RGS3: variants seen among roughly 807,000 people sequenced by gnomAD.
RGS3 encodes regulator of G-protein signalling 3.
RGS3 carries 80 observed loss-of-function variants against 132.6 expected under a neutral mutation model. The observed-to-expected ratio is 0.60, with a 90% CI of 0.50 to 0.73. The LOEUF (loss-of-function observed/expected upper bound fraction) is 0.73, where lower values mean the gene tolerates loss of function less well. Ranked by LOEUF, RGS3 falls within the 30% of genes least tolerant of loss-of-function variation. The pLI is 0.00. For missense variants in RGS3, 1,382 were observed against 1,530.8 expected, an observed-to-expected ratio of 0.90 and a Z score of 1.62; for synonymous variants, 598 against 620.6, an observed-to-expected ratio of 0.96 and a Z score of 0.54.
At chr9:113,445,317 C>T (rs1829078353) in intron 1 of RGS3, among the ~76,000 whole-genome samples, 1 of 152,072 alleles carries the variant, frequency 6.6e-6, no homozygotes, top group African/African-American at 2.4e-5. Flanking sequence ...CCTGCCTCAG[C>T]CTCCCATGTA....
Position 113,591,297 on chromosome 9 carries a change from T to A in RGS3, c.3016-36T>A. The A allele has an allele frequency of 6.3e-7, 1 of 1,599,110 alleles. No homozygotes were observed. The highest frequency in any genetic ancestry group is 8.6e-7 in the Non-Finnish European group (1 of 1,167,566). On this transcript the variant is annotated intron_variant, in intron 20 of 24. Transcript: ENST00000350696. This position sits in a 1 kb window ranked among gnomAD's most constrained non-coding sequence, Gnocchi z 4.4. ...GTTTACTTAGGCAGGAGTTCCTGGGTGCCCAGACTGCATCGTGTCTGTCTT... is the reference window on the plus strand; with the variant it reads ...GTTTACTTAGGCAGGAGTTCCTGGGAGCCCAGACTGCATCGTGTCTGTCTT...
rs572150719 is a variant in RGS3, at chr9:113,579,662, A to G, written c.2038-3788A>G. ...TCTCACTGGGTCCCCAGCTGCCTGT[A>G]CTTCCTCTATCAGAGCAGTCCCCAT... On this transcript the variant is annotated intron_variant, in intron 19 of 24. Transcript: ENST00000350696. This position sits in a 1 kb window ranked among gnomAD's most constrained non-coding sequence, Gnocchi z 4.3. 1.4e-3 allele frequency among the ~76,000 whole-genome samples: 207 copies of G among 152,260 alleles called. 2 individuals carry two copies. The highest frequency in any genetic ancestry group is 4.4e-3 in the Admixed American group (67 of 15,296).
chr9:113,522,206 G>C (rs1261857386), intron 16 of RGS3: 1 of 152,224 alleles, frequency 6.6e-6, no homozygotes, highest in East Asian at 1.9e-4. Context: ...GTCTGTACTA[G>C]AGTGTGAGTA....
intron 10 of RGS3, among the ~76,000 whole-genome samples, chr9:113,499,071 A>G (rs774684334): frequency 1.3e-5 from 2 of 151,706 alleles, no homozygotes; most frequent in Non-Finnish European, 2.9e-5. Context: ...TACTAAAAAT[A>G]CAAAAATTAG....
At chr9:113,489,111 C>G (rs1830428299) in intron 7 of RGS3, among the ~76,000 whole-genome samples, 1 of 152,186 alleles carries the variant, frequency 6.6e-6, no homozygotes, top group African/African-American at 2.4e-5. Flanking sequence ...TATTGCCCCT[C>G]TCTTCAGAGA....
At chr9:113,466,525 C>A (rs116637254) in intron 3 of RGS3, among the ~76,000 whole-genome samples, 1 of 152,158 alleles carries the variant, frequency 6.6e-6, no homozygotes, top group Non-Finnish European at 1.5e-5. Context: ...AAGGACACTG[C>A]GTTCTGAGGA....
At chr9:113,543,425 G>A (rs968224396) in intron 19 of RGS3, among the ~76,000 whole-genome samples, 6 of 152,200 alleles carry the variant, frequency 3.9e-5, no homozygotes, top group Non-Finnish European at 4.4e-5. Context: ...ATCTGCCCGT[G>A]ACCAGACCAA....
intron 4 of RGS3, 58 bp from the exon 3 acceptor site, chr9:113,483,001 C>G: frequency 2.5e-6 from 4 of 1,609,462 alleles, no homozygotes; most frequent in East Asian, 2.2e-5. Context: ...CTCTCTTTCT[C>G]GCTGTGTGTG....
At chr9:113,596,879 T>C (rs866076266) in exon 25 of RGS3, 1 of 1,613,862 alleles carries the variant, frequency 6.2e-7, no homozygotes, top group East Asian at 2.2e-5. Flanking sequence ...GGAAAAGGAC[T>C]CGTACCCTCG....
chr9:113,529,103 C>G, intron 17 of RGS3, 118 bp from the exon 16 acceptor site: 1 of 801,032 alleles, frequency 1.2e-6, no homozygotes, highest in Non-Finnish European at 2.2e-6. Context: ...CTGCCTCTCT[C>G]TTTTCCCAGG....
chr9:113,512,669 G>A (rs1327252402), intron 14 of RGS3, among the ~76,000 whole-genome samples: 2 of 152,296 alleles, frequency 1.3e-5, no homozygotes, highest in East Asian at 3.9e-4. Flanking sequence ...CCCCCTCGCT[G>A]CCAGGGCTGC....
At chr9:113,536,664 C>T (rs762192728) in intron 18 of RGS3, 132 bp from the exon 17 acceptor site, 25 of 1,497,604 alleles carry the variant, frequency 1.7e-5, no homozygotes, top group African/African-American at 8.4e-5. Flanking sequence ...TGTGCATTTG[C>T]GGCTTTTGGC....
chr9:113,594,605 G>A (rs1428802424), intron 22 of RGS3, 74 bp downstream of exon 20: 1 of 1,268,870 alleles, frequency 7.9e-7, no homozygotes, highest in South Asian at 1.3e-5. Flanking sequence ...TGAGTGGTAG[G>A]GTTGAGGGGA....
intron 19 of RGS3, among the ~76,000 whole-genome samples, chr9:113,564,689 C>T (rs1160300932): frequency 6.6e-6 from 1 of 152,208 alleles, no homozygotes; most frequent in Non-Finnish European, 1.5e-5. Flanking sequence ...TCCAAACTGC[C>T]CTCCCAGCTG....
intron 16 of RGS3, among the ~76,000 whole-genome samples, chr9:113,520,947 T>G (rs1831924067): frequency 6.6e-6 from 1 of 152,312 alleles, no homozygotes; most frequent in East Asian, 1.9e-4. Context: ...TAGTGATAGC[T>G]TTAGGTCAGC....
intron 3 of RGS3, among the ~76,000 whole-genome samples, chr9:113,475,817 T>C (rs1829975574): frequency 6.6e-6 from 1 of 152,156 alleles, no homozygotes; most frequent in African/African-American, 2.4e-5. Flanking sequence ...CCAAATTAGC[T>C]GGTGCTTCGG....
At chr9:113,559,002 C>T (rs200709844) in intron 19 of RGS3, among the ~76,000 whole-genome samples, 1 of 152,226 alleles carries the variant, frequency 6.6e-6, no homozygotes, top group East Asian at 1.9e-4. Context: ...GGGGATTGGC[C>T]TTGCCCCAGG....
chr9:113,596,943 C>T, exon 25 of RGS3: 1 of 1,605,648 alleles, frequency 6.2e-7, no homozygotes, highest in Non-Finnish European at 8.5e-7. Context: ...AAGATGAGTC[C>T]CCCGCTTTAG....
chr9:113,541,360 CG>C, intron 19 of RGS3: 1 of 1,613,822 alleles, frequency 6.2e-7, no homozygotes, highest in East Asian at 2.2e-5. Flanking sequence ...GAGATGGGGC[CG>C]GTCAACTCAA....
Sources: allele counts gnomAD v4.1 joint callset (sites outside exome capture counted in the v4.1 genomes callset), GRCh38; gene constraint gnomAD v4.1.1; non-coding constraint Gnocchi (gnomAD v3.1); transcripts MANE v1.5; gene names NCBI Gene and HGNC (gene_info 2026-07-23, HGNC 2026-07-21).